DYM: variants seen among roughly 807,000 people sequenced by gnomAD.
DYM encodes the protein dymeclin.
DYM carries 78 observed loss-of-function variants against 93.1 expected under a neutral mutation model. The observed-to-expected ratio is 0.84, with a 90% CI of 0.70 to 1.01. The LOEUF is 1.01. Among genes scored for constraint, DYM ranks in the 50% least tolerant of loss-of-function variants. The probability of loss-of-function intolerance (pLI) is 0.00; values close to 1 mark genes in which losing one functional copy is unlikely to be tolerated. For missense variants in DYM, 789 were observed against 845.0 expected (o/e 0.93, Z 0.82); for synonymous variants, 321 against 319.7 (o/e 1.00, Z -0.04).
chr18:49,413,922 A>C (rs2072594177), intron 2 of DYM, among the ~76,000 whole-genome samples: 1 of 152,092 alleles, frequency 6.6e-6, no homozygotes, highest in Non-Finnish European at 1.5e-5. Flanking sequence ...AGGCGGGAGG[A>C]CAACTTGAAC....
rs1367952350 is a variant in DYM, at chr18:49,136,678, C to G, written c.1729-17752G>C. 2.0e-5 allele frequency among the ~76,000 whole-genome samples: 3 copies of G among 151,990 alleles called. No individual in the cohort carries two copies. In the East Asian group the frequency reaches 5.8e-4, roughly 29 times the overall value. On this transcript the variant is annotated intron_variant, in intron 15 of 17. Coordinates refer to ENST00000675505, the MANE Select transcript of DYM (RefSeq NM_001353214.3). The stretch of plus-strand genomic sequence containing the variant: ...ACTCTCAATATGTAAAATATAAAAC[C>G]AGAAATAAAAATACTCTTAATCAGG...
At chr18:49,127,729 G>T (rs1238392318) in intron 15 of DYM, among the ~76,000 whole-genome samples, 1 of 152,306 alleles carries the variant, frequency 6.6e-6, no homozygotes, top group East Asian at 1.9e-4. Context: ...GCACACACTG[G>T]AAAGCTTTGT....
intron 7 of DYM, among the ~76,000 whole-genome samples, chr18:49,333,143 T>C (rs145008707): frequency 0.046 from 7,002 of 152,348 alleles, 216 homozygotes; most frequent in Non-Finnish European, 0.068. Flanking sequence ...TTTGTGAAGA[T>C]TATGTTAATA....
intron 13 of DYM, among the ~76,000 whole-genome samples, chr18:49,214,752 A>C (rs1410182494): frequency 3.9e-5 from 6 of 152,228 alleles, no homozygotes; most frequent in African/African-American, 1.4e-4. Context: ...TGAGCTAATT[A>C]CATTAGCATA....
At chr18:49,400,968 G>C (rs1599935406) in intron 2 of DYM, among the ~76,000 whole-genome samples, 1 of 152,062 alleles carries the variant, frequency 6.6e-6, no homozygotes, top group South Asian at 2.1e-4. Flanking sequence ...AAAGTAAAAT[G>C]GTACTGTAAA....
chr18:49,082,473 G>A (rs1043743231), intron 17 of DYM, among the ~76,000 whole-genome samples: 4 of 152,160 alleles, frequency 2.6e-5, no homozygotes, highest in Non-Finnish European at 1.5e-5. Flanking sequence ...ATTTTATTCA[G>A]AAATATTTAA....
chr18:49,454,457 C>T (rs1251045983), intron 1 of DYM, among the ~76,000 whole-genome samples: 3 of 152,110 alleles, frequency 2.0e-5, no homozygotes, highest in Admixed American at 6.5e-5. Context: ...TGTAAAGGAG[C>T]AGACAGGATG....
chr18:49,097,483 T>A lies in DYM; in HGVS notation c.1944A>T (p.Gln648His). 6.2e-7 allele frequency: 1 copy of A among 1,614,054 alleles called. No homozygotes were observed. The highest frequency in any genetic ancestry group is 1.1e-5 in the South Asian group (1 of 91,084). The part of the protein sequence containing the change: ...VISFFSSRLL[Q>H]AGAELSVERV... Reference sequence around the variant, plus strand: ...GTTCCACTGACAGCTCAGCTCCAGCTTGCAGCAACCTTGAGCTAAAGAAGG... The same window carrying A: ...GTTCCACTGACAGCTCAGCTCCAGCATGCAGCAACCTTGAGCTAAAGAAGG... The change falls in exon 17 of 18, where the codon CAA becomes CAT. Residue 648 changes from glutamine to histidine, a missense_variant. Gln to His is a conservative substitution (Grantham distance 24). This residue lies in a region of DYM where 114 missense variants were observed against 105.8 expected (regional missense o/e 1.08). Transcript: ENST00000675505.
rs2090713542 is a variant in DYM, at chr18:49,188,977, A to T, written c.1625+20574T>A. On this transcript the variant is annotated intron_variant, in intron 14 of 17. Transcript: ENST00000675505. ...GATGAAGAAAATGTGGTACACATAC[A>T]CCATGAAATACTAAGCAGCCATAAA... Among the ~76,000 whole-genome samples the T allele has an allele frequency of 1.3e-5, 2 of 152,210 alleles. 1 individual carries two copies. Among genetic ancestry groups the T allele is most frequent in the South Asian group, 4.1e-4 (2 of 4,832 alleles).
intron 14 of DYM, among the ~76,000 whole-genome samples, chr18:49,190,869 T>C (rs2090902139): frequency 6.6e-6 from 1 of 152,226 alleles, no homozygotes; most frequent in African/African-American, 2.4e-5. Flanking sequence ...AAATAGTGAT[T>C]TTCTTAATAG....
chr18:49,328,270 T>C (rs542722043), intron 8 of DYM, among the ~76,000 whole-genome samples: 10 of 152,262 alleles, frequency 6.6e-5, no homozygotes, highest in Non-Finnish European at 1.0e-4. Flanking sequence ...CAGAGTGGTA[T>C]AGTGGTAAAG....
chr18:49,054,628 C>T (rs981379360), intron 17 of DYM, among the ~76,000 whole-genome samples: 2 of 152,172 alleles, frequency 1.3e-5, no homozygotes, highest in African/African-American at 4.8e-5. Context: ...AATTAAGAAG[C>T]CCATCATGAG....
intron 15 of DYM, among the ~76,000 whole-genome samples, chr18:49,129,119 TAAAA>T (rs79190958): frequency 7.5e-6 from 1 of 132,984 alleles, no homozygotes; most frequent in African/African-American, 2.8e-5. Context: ...AAGCTCAAGT[TAAAA>T]AAAAAAAAAA....
chr18:49,189,450 G>A (rs1427952179), intron 14 of DYM, among the ~76,000 whole-genome samples: 1 of 152,074 alleles, frequency 6.6e-6, no homozygotes, highest in African/African-American at 2.4e-5. Context: ...ATAATATGCT[G>A]TTATCATATT....
At chr18:49,198,618 C>T (rs1441417337) in intron 14 of DYM, among the ~76,000 whole-genome samples, 1 of 152,016 alleles carries the variant, frequency 6.6e-6, no homozygotes, top group African/African-American at 2.4e-5. Flanking sequence ...CCAAAAGACA[C>T]ATGAAAAAAT....
chr18:49,068,249 C>T (rs756272788), intron 17 of DYM, among the ~76,000 whole-genome samples: 1 of 152,140 alleles, frequency 6.6e-6, no homozygotes, highest in Non-Finnish European at 1.5e-5. Flanking sequence ...CCTGGATCTG[C>T]CCCCACCAGC....
At chr18:49,418,241 G>A (rs558635500) in intron 2 of DYM, among the ~76,000 whole-genome samples, 1 of 152,118 alleles carries the variant, frequency 6.6e-6, no homozygotes, top group Admixed American at 6.5e-5. Context: ...ACACACCATA[G>A]CCTCAGATGC....
At chr18:49,321,472 G>GA in intron 8 of DYM, 1 of 396,316 alleles carries the variant, frequency 2.5e-6, no homozygotes, top group Non-Finnish European at 4.4e-6. Context: ...CAAATTACAA[G>GA]AAAAAAAGAT....
chr18:49,198,954 A>G (rs1158165836), intron 14 of DYM, among the ~76,000 whole-genome samples: 17 of 152,088 alleles, frequency 1.1e-4, no homozygotes, highest in Non-Finnish European at 2.9e-5. Flanking sequence ...CACTATTCAC[A>G]ATAGCAAAGA....
Sources: allele counts gnomAD v4.1 joint callset (sites outside exome capture counted in the v4.1 genomes callset), GRCh38; gene constraint gnomAD v4.1.1; regional missense constraint gnomAD v4.1.1; transcripts MANE v1.5; gene names NCBI Gene and HGNC (gene_info 2026-07-23, HGNC 2026-07-21).